EXOC6B: variants seen among roughly 807,000 people sequenced by gnomAD.
EXOC6B encodes SEC15 homolog B.
Under a neutral mutation model 113.5 loss-of-function variants are expected in EXOC6B, and 54 were observed. The observed-to-expected ratio is 0.48, with a 90% confidence interval of 0.38 to 0.60. The LOEUF (loss-of-function observed/expected upper bound fraction) is 0.60, where lower values mean the gene tolerates loss of function less well. Ranked by LOEUF, EXOC6B falls within the 20% of genes least tolerant of loss-of-function variation. The probability of loss-of-function intolerance (pLI) is 0.00; values close to 1 mark genes in which losing one functional copy is unlikely to be tolerated. For missense variants in EXOC6B, 797 were observed against 977.5 expected (o/e 0.82, Z 2.46); for synonymous variants, 357 against 339.0 (o/e 1.05, Z -0.58).
intron 6 of EXOC6B, among the ~76,000 whole-genome samples, chr2:72,702,864 T>C (rs1428975318): frequency 1.3e-5 from 2 of 148,862 alleles, no homozygotes; most frequent in African/African-American, 4.9e-5. Flanking sequence ...TTCTCCCATT[T>C]TGTAGGTTGC....
intron 8 of EXOC6B, among the ~76,000 whole-genome samples, chr2:72,527,639 C>A (rs1471749205): frequency 1.3e-5 from 2 of 151,882 alleles, no homozygotes; most frequent in Non-Finnish European, 2.9e-5. Flanking sequence ...CAAGAAATTG[C>A]CAAATTGTTT....
chr2:72,343,197 A>G lies in EXOC6B; in HGVS notation c.2123-8177T>C, dbSNP rs145172447. 6.8e-3 allele frequency among the ~76,000 whole-genome samples: 1,036 copies of G among 152,270 alleles called. 13 individuals carry two copies. The highest frequency in any genetic ancestry group is 0.023 in the African/African-American group (966 of 41,572). On this transcript the variant is annotated intron_variant, in intron 19 of 21. Transcript: ENST00000272427. Reference sequence around the variant, plus strand: ...TCCCAGAACTTTGGGAGGCCAAGGCAGGTGGATCACTTGAGGCCAGGAGTT... The same window carrying G: ...TCCCAGAACTTTGGGAGGCCAAGGCGGGTGGATCACTTGAGGCCAGGAGTT...
rs776093703 is a variant in EXOC6B at position 72,480,599 on chromosome 2, C to G, written c.1800+17G>C. 1.3e-6 allele frequency: 2 copies of G among 1,569,250 alleles called. No individual in the cohort carries two copies. The highest frequency in any genetic ancestry group is 1.4e-5 in the African/African-American group (1 of 73,914). ...GTACACCAGAAGCAGTTCCACAGTA[C>G]TGTAGGGCCCTCTCACCTTAAAAGT... On this transcript the variant is annotated intron_variant, in intron 17 of 21. Transcript: ENST00000272427.
At chr2:72,519,170 T>A (rs1447882695) in intron 8 of EXOC6B, among the ~76,000 whole-genome samples, 1 of 152,208 alleles carries the variant, frequency 6.6e-6, no homozygotes, top group Non-Finnish European at 1.5e-5. Flanking sequence ...AAAATTTGAG[T>A]TGCCTAATGC....
intron 20 of EXOC6B, among the ~76,000 whole-genome samples, chr2:72,222,309 T>C (rs1680925202): frequency 6.6e-6 from 1 of 152,192 alleles, no homozygotes; most frequent in Non-Finnish European, 1.5e-5. Context: ...TGTCCACAAT[T>C]GATCGCAAAA....
intron 20 of EXOC6B, among the ~76,000 whole-genome samples, chr2:72,258,782 C>G (rs1187458902): frequency 6.6e-6 from 1 of 152,142 alleles, no homozygotes; most frequent in African/African-American, 2.4e-5. Flanking sequence ...GAATTTTAAA[C>G]TTGGCTTTTC....
At chr2:72,641,070 G>C (rs1017307085) in intron 6 of EXOC6B, among the ~76,000 whole-genome samples, 2 of 152,212 alleles carry the variant, frequency 1.3e-5, no homozygotes, top group Non-Finnish European at 2.9e-5. Flanking sequence ...TATCAAGACA[G>C]AAAATTAGCA....
chr2:72,231,377 G>A (rs1175214889), intron 20 of EXOC6B, among the ~76,000 whole-genome samples: 1 of 152,114 alleles, frequency 6.6e-6, no homozygotes, highest in Non-Finnish European at 1.5e-5. Context: ...AAATGGAACA[G>A]TAAAGAAGAA....
intron 6 of EXOC6B, among the ~76,000 whole-genome samples, chr2:72,683,584 G>A (rs188607675): frequency 1.3e-5 from 2 of 152,164 alleles, no homozygotes; most frequent in Non-Finnish European, 1.5e-5. Flanking sequence ...GTGGCAATCT[G>A]TGGGCAGTGG....
intron 6 of EXOC6B, among the ~76,000 whole-genome samples, chr2:72,577,926 T>C (rs1704978870): frequency 6.6e-6 from 1 of 152,028 alleles, no homozygotes. Flanking sequence ...TCTAGGTGTT[T>C]TCATTTTCTT....
At chr2:72,692,775 G>C (rs1677590915) in intron 6 of EXOC6B, among the ~76,000 whole-genome samples, 1 of 152,158 alleles carries the variant, frequency 6.6e-6, no homozygotes. Context: ...AGGATTTAGT[G>C]GCTGACTACA....
intron 20 of EXOC6B, among the ~76,000 whole-genome samples, chr2:72,249,266 C>G (rs1490095486): frequency 6.6e-6 from 1 of 152,136 alleles, no homozygotes; most frequent in African/African-American, 2.4e-5. Flanking sequence ...GACCTTGTCC[C>G]TTTTATTTTT....
chr2:72,809,709 G>A (rs1253845091), intron 1 of EXOC6B, among the ~76,000 whole-genome samples: 2 of 151,746 alleles, frequency 1.3e-5, no homozygotes, highest in African/African-American at 4.8e-5. Flanking sequence ...AATACTAAAT[G>A]TGTATCAAAC....
intron 1 of EXOC6B, among the ~76,000 whole-genome samples, chr2:72,742,938 G>GA (rs1380769148): frequency 2.6e-5 from 4 of 151,632 alleles, no homozygotes; most frequent in Non-Finnish European, 1.5e-5. Flanking sequence ...ATTTAACGTA[G>GA]AAAAAAAAGT....
intron 18 of EXOC6B, among the ~76,000 whole-genome samples, chr2:72,381,233 T>A (rs903417542): frequency 6.6e-6 from 1 of 152,316 alleles, no homozygotes; most frequent in South Asian, 2.1e-4. Context: ...CCTTTTTCAG[T>A]TGAATATTAT....
rs57679690 is a variant in EXOC6B, at chr2:72,189,860, C to CTTTTTTTTTTTTTTTTTTT, written c.2197-5692_2197-5674dup. Among the ~76,000 whole-genome samples the CTTTTTTTTTTTTTTTTTTT allele has an allele frequency of 1.4e-4, 12 of 87,252 alleles. 1 individual carries two copies. Among genetic ancestry groups the CTTTTTTTTTTTTTTTTTTT allele is most frequent in the African/African-American group, 5.2e-4 (8 of 15,346 alleles). The allele number at this position is 87,252 out of a possible 152,430, so 57.2% of individuals were successfully genotyped here. Reference sequence around the variant, plus strand: ...TCTCTCTCTCTTTCTCCTTCTTCTTCTTTTTTTTTTTTTTTTTTTTGAGGC... The same window carrying CTTTTTTTTTTTTTTTTTTT: ...TCTCTCTCTCTTTCTCCTTCTTCTTCTTTTTTTTTTTTTTTTTTTTTTTTTTTTTTTTTTTTTTTGAGGC... On this transcript the variant is annotated intron_variant, in intron 20 of 21. Transcript: ENST00000272427.
intron 20 of EXOC6B, among the ~76,000 whole-genome samples, chr2:72,205,965 G>A (rs1199203384): frequency 6.6e-6 from 1 of 152,214 alleles, no homozygotes; most frequent in Non-Finnish European, 1.5e-5. Flanking sequence ...TGGACTTGGA[G>A]AAGAAACAGA....
chr2:72,760,938 C>T (rs945870273), intron 1 of EXOC6B, among the ~76,000 whole-genome samples: 7 of 152,036 alleles, frequency 4.6e-5, no homozygotes, highest in African/African-American at 9.7e-5. Context: ...CCAACACTTT[C>T]GGAGGCTGAG....
chr2:72,210,197 T>C (rs1187206904), intron 20 of EXOC6B, among the ~76,000 whole-genome samples: 2 of 152,170 alleles, frequency 1.3e-5, no homozygotes, highest in South Asian at 2.1e-4. Flanking sequence ...CATTGAGTAT[T>C]TTCTCTGATT....
Sources: allele counts gnomAD v4.1 joint callset (sites outside exome capture counted in the v4.1 genomes callset), GRCh38; gene constraint gnomAD v4.1.1; transcripts MANE v1.5; gene names NCBI Gene and HGNC (gene_info 2026-07-23, HGNC 2026-07-21).